Variants in RORA observed in about 807,000 individuals in gnomAD.
RORA encodes the protein RAR related orphan receptor A.
A neutral mutation model predicts 69.5 loss-of-function variants in RORA; 7 were observed. That is an observed-to-expected ratio of 0.10 (90% CI 0.06 to 0.19). The LOEUF is 0.19. RORA is among the 10% of genes least tolerant of loss of function. The pLI is 1.00. For synonymous variants in RORA, 261 were observed against 240.8 expected, an observed-to-expected ratio of 1.08 and a Z score of -0.78; for missense variants, 457 against 663.0, an observed-to-expected ratio of 0.69 and a Z score of 3.41.
chr15:60,760,667 C>G (rs1224033404), intron 1 of RORA, among the ~76,000 whole-genome samples: 1 of 152,116 alleles, frequency 6.6e-6, no homozygotes. Context: ...TAATGCATAG[C>G]AGTGCTGTGA....
chr15:60,518,837 G>A (rs2066056993), intron 3 of RORA, among the ~76,000 whole-genome samples: 1 of 152,116 alleles, frequency 6.6e-6, no homozygotes, highest in Non-Finnish European at 1.5e-5. Flanking sequence ...TGTATGGTGT[G>A]GCATGGGCCC....
At chr15:61,062,628 C>T (rs1175740575) in intron 1 of RORA, among the ~76,000 whole-genome samples, 1 of 152,288 alleles carries the variant, frequency 6.6e-6, no homozygotes, top group Non-Finnish European at 1.5e-5. Context: ...GGGCGGCCTT[C>T]AGGACTCTCT....
At chr15:60,717,796 CTTTTTTTTTTTT>C (rs10653856) in intron 1 of RORA, among the ~76,000 whole-genome samples, 3 of 91,974 alleles carry the variant, frequency 3.3e-5, no homozygotes, top group Admixed American at 2.7e-4. Context: ...TTCTTTTTCT[CTTTTTTTTTTTT>C]TTTTTTTTTG....
intron 1 of RORA, among the ~76,000 whole-genome samples, chr15:60,767,510 T>C (rs1362704598): frequency 6.6e-6 from 1 of 152,194 alleles, no homozygotes; most frequent in African/African-American, 2.4e-5. Context: ...GGTGTGGAAC[T>C]AGAGCTATTA....
intron 1 of RORA, among the ~76,000 whole-genome samples, chr15:60,904,131 A>G (rs1029690133): frequency 5.3e-5 from 8 of 152,200 alleles, no homozygotes; most frequent in African/African-American, 1.4e-4. Context: ...CTATCGTAAT[A>G]TATTTGAAAT....
chr15:60,503,384 T>C, intron 7 of RORA, 151 bp downstream of exon 7: 2 of 689,296 alleles, frequency 2.9e-6, no homozygotes, highest in Non-Finnish European at 4.7e-6. Flanking sequence ...CTTAAAACCT[T>C]TGAAAAGAAC....
rs7177334 is a variant in RORA, at chr15:61,101,533, T to C, written c.166+127520A>G. On this transcript the variant is annotated intron_variant, in intron 1 of 10. Transcript: ENST00000335670. Reference sequence around the variant, plus strand: ...GAATTCAGCAGCAGGAAGGGTAAACTGGAATGATCCTAGAAATTGAATCTC... The same window carrying C: ...GAATTCAGCAGCAGGAAGGGTAAACCGGAATGATCCTAGAAATTGAATCTC... 5.1e-3 allele frequency among the ~76,000 whole-genome samples: 774 copies of C among 152,208 alleles called. 6 individuals are homozygous for C. Among genetic ancestry groups the C allele is most frequent in the African/African-American group, 0.017 (725 of 41,530 alleles).
chr15:60,833,792 G>C (rs2073079904), intron 1 of RORA, among the ~76,000 whole-genome samples: 1 of 152,220 alleles, frequency 6.6e-6, no homozygotes, highest in Non-Finnish European at 1.5e-5. Flanking sequence ...GAGTGGTTGA[G>C]AGAACATAGC....
intron 1 of RORA, among the ~76,000 whole-genome samples, chr15:60,996,626 T>G (rs2140375438): frequency 6.6e-6 from 1 of 152,242 alleles, no homozygotes; most frequent in East Asian, 1.9e-4. Context: ...TATAATATCT[T>G]CAGGCCGGGC....
At chr15:60,993,356 C>T (rs1407328690) in intron 1 of RORA, among the ~76,000 whole-genome samples, 2 of 152,024 alleles carry the variant, frequency 1.3e-5, no homozygotes, top group East Asian at 1.9e-4. Flanking sequence ...GACCTGGGAT[C>T]GGCTGGGCAC....
At chr15:60,581,011 C>T (rs1040409654) in intron 2 of RORA, among the ~76,000 whole-genome samples, 6 of 152,364 alleles carry the variant, frequency 3.9e-5, no homozygotes, top group East Asian at 1.9e-4. Flanking sequence ...AATATAACTA[C>T]AGCACCCACA....
At chr15:60,943,687 G>C (rs866583756) in intron 1 of RORA, among the ~76,000 whole-genome samples, 1 of 151,620 alleles carries the variant, frequency 6.6e-6, no homozygotes, top group East Asian at 1.9e-4. Context: ...AGGCTGAGGT[G>C]GGGGGATTGC....
At chr15:61,203,606 T>C (rs1390787851) in intron 1 of RORA, among the ~76,000 whole-genome samples, 1 of 152,184 alleles carries the variant, frequency 6.6e-6, no homozygotes, top group Non-Finnish European at 1.5e-5. Flanking sequence ...ATCACTCATA[T>C]ATCCAACAGA....
chr15:61,031,357 C>A (rs1204630899), intron 1 of RORA, among the ~76,000 whole-genome samples: 1 of 152,080 alleles, frequency 6.6e-6, no homozygotes, highest in African/African-American at 2.4e-5. Context: ...GATTATGCCT[C>A]CAGTTTATTT....
At chr15:60,561,298 G>A (rs2067552817) in intron 2 of RORA, among the ~76,000 whole-genome samples, 1 of 151,744 alleles carries the variant, frequency 6.6e-6, no homozygotes, top group Admixed American at 6.6e-5. Flanking sequence ...AGCCAGGATG[G>A]TCTCGATCTC....
At chr15:61,083,237 G>A (rs996864675) in intron 1 of RORA, among the ~76,000 whole-genome samples, 3 of 152,134 alleles carry the variant, frequency 2.0e-5, no homozygotes, top group African/African-American at 7.2e-5. Flanking sequence ...CTCCCAGCCT[G>A]AAAGCATCCA....
intron 1 of RORA, among the ~76,000 whole-genome samples, chr15:60,738,386 C>T (rs2071530482): frequency 6.6e-6 from 1 of 152,242 alleles, no homozygotes; most frequent in Admixed American, 6.5e-5. Context: ...GGGCTGACTC[C>T]TGCCCCAACC....
chr15:60,897,015 C>T (rs1255697980), intron 1 of RORA, among the ~76,000 whole-genome samples: 2 of 152,114 alleles, frequency 1.3e-5, no homozygotes, highest in South Asian at 2.1e-4. Flanking sequence ...AACCAGGGCA[C>T]ATCCTGGAGA....
chr15:61,004,762 GC>G (rs1894860698), intron 1 of RORA, among the ~76,000 whole-genome samples: 2 of 152,104 alleles, frequency 1.3e-5, no homozygotes, highest in Admixed American at 1.3e-4. Context: ...TGCAAACGTT[GC>G]CACGGTTAGA....
Sources: allele counts gnomAD v4.1 joint callset (sites outside exome capture counted in the v4.1 genomes callset), GRCh38; gene constraint gnomAD v4.1.1; transcripts MANE v1.5; gene names NCBI Gene and HGNC (gene_info 2026-07-23, HGNC 2026-07-21).